Variants in MTA1 observed in about 807,000 individuals in gnomAD.
MTA1 encodes metastasis-associated protein MTA1.
MTA1 carries 15 observed loss-of-function variants against 97.0 expected under a neutral mutation model. The ratio of observed to expected loss-of-function variants is 0.15; its 90% confidence interval spans 0.10 to 0.24. The LOEUF (loss-of-function observed/expected upper bound fraction) is 0.24, where lower values mean the gene tolerates loss of function less well. Among genes scored for constraint, MTA1 ranks in the 10% least tolerant of loss-of-function variants. The pLI is 1.00. For synonymous variants in MTA1, 435 were observed against 417.5 expected (o/e 1.04, Z -0.51); for missense variants, 709 against 1,015.1 (o/e 0.70, Z 4.10).
intron 7 of MTA1, among the ~76,000 whole-genome samples, chr14:105,456,817 G>A (rs1286223366): frequency 1.3e-5 from 2 of 152,194 alleles, no homozygotes; most frequent in Non-Finnish European, 2.9e-5. Context: ...ACACCAGGCT[G>A]AAGACCCCCC....
In MTA1 at chr14:105,466,443, C is replaced by T. The variant is rs587736328; in HGVS notation, c.1642C>T (p.Pro548Ser). The change falls in exon 17 of 21, where the codon CCC (proline) becomes TCC (serine). Residue 548 changes from proline (P) to serine (S), a missense_variant. Pro to Ser is a moderately conservative substitution (Grantham distance 74). This residue lies in a region of MTA1 where 388 missense variants were observed against 421.6 expected (regional missense o/e 0.92). Coordinates refer to ENST00000331320, the MANE Select transcript of MTA1 (RefSeq NM_004689.4). ...CCCGGCAGAGACCCACCCCCGCCCC[C>T]CCAAGCCTGACCCCGTGAAAAGCGT... The part of the protein sequence containing the change: ...LRYLETHPRP[P>S]KPDPVKSVSS... 11 of 1,588,314 alleles carry T rather than the reference C, an allele frequency of 6.9e-6. No homozygotes were observed. The highest frequency in any genetic ancestry group is 3.3e-5 in the South Asian group (3 of 89,742).
chr14:105,462,878 C>CA (rs1258751563), intron 10 of MTA1, among the ~76,000 whole-genome samples: 4 of 146,020 alleles, frequency 2.7e-5, no homozygotes, highest in African/African-American at 7.3e-5. Context: ...CAAAAACAAA[C>CA]AAAAAAAAGG....
At position 105,424,559 on chromosome 14, in the gene MTA1, A is replaced by G. The variant is rs1555421801; in HGVS notation, c.28+4496A>G. Among the ~76,000 whole-genome samples the G allele has an allele frequency of 1.3e-5, 2 of 150,210 alleles. No individual in the cohort carries two copies. Among genetic ancestry groups the G allele is most frequent in the African/African-American group, 4.9e-5 (2 of 40,562 alleles). Reference sequence around the variant, plus strand: ...CACCCAGGCTGGAGTGCAGTGGCACAATCGCGGCTCACTGCAACCTCCGCC... The same window carrying G: ...CACCCAGGCTGGAGTGCAGTGGCACGATCGCGGCTCACTGCAACCTCCGCC... On this transcript the variant is annotated intron_variant, in intron 1 of 20. Coordinates refer to ENST00000331320, the MANE Select transcript of MTA1 (RefSeq NM_004689.4). This position sits in a 1 kb window ranked among gnomAD's most constrained non-coding sequence, Gnocchi z 4.0.
chr14:105,458,454 C>A, intron 8 of MTA1, 82 bp downstream of exon 8: 1 of 1,222,030 alleles, frequency 8.2e-7, no homozygotes, highest in Non-Finnish European at 1.2e-6. Context: ...GTGTTGGGGA[C>A]GTGACAGTCT....
chr14:105,441,629 C>T (rs1189277087), intron 2 of MTA1, among the ~76,000 whole-genome samples: 3 of 152,136 alleles, frequency 2.0e-5, no homozygotes, highest in African/African-American at 2.4e-5. Flanking sequence ...TCCGTCTCTA[C>T]TAAAAATACA....
chr14:105,442,493 G>A (rs2082570160), intron 2 of MTA1, among the ~76,000 whole-genome samples: 1 of 152,248 alleles, frequency 6.6e-6, no homozygotes, highest in Non-Finnish European at 1.5e-5. Flanking sequence ...GAGCACTTTA[G>A]GGAAGAATCT....
At chr14:105,459,046 C>G (rs1379050318) in intron 8 of MTA1, among the ~76,000 whole-genome samples, 26 of 119,624 alleles carry the variant, frequency 2.2e-4, no homozygotes, top group South Asian at 8.7e-4. Context: ...GGTCCCTGGT[C>G]CCTGGGGAGC....
intron 1 of MTA1, among the ~76,000 whole-genome samples, chr14:105,430,832 A>G (rs2082156035): frequency 6.6e-6 from 1 of 152,174 alleles, no homozygotes; most frequent in Non-Finnish European, 1.5e-5. Context: ...ATGACACATG[A>G]AGATTATATG....
rs1365943583 is a variant in MTA1 at position 105,468,125 on chromosome 14, C to T, written c.1814-1342C>T. 63 of 380,366 alleles carry T rather than the reference C, an allele frequency of 1.7e-4. 1 individual carries two copies. Among genetic ancestry groups the T allele is most frequent in the Non-Finnish European group, 1.9e-4 (36 of 191,112 alleles). The allele number at this position is 380,366 out of a possible 1,614,324, so 23.6% of individuals were successfully genotyped here. A position where few individuals can be genotyped will look rare whatever the true frequency, so the allele number is the denominator to read the frequency against. On this transcript the variant is annotated intron_variant, in intron 18 of 20. Transcript: ENST00000331320. ...CGGCTCCCGGGGGCACTGGCGCACA[C>T]GAGGTGGGGTCTCTGTCCAGCCTGG...
rs1290181125 is a variant in MTA1 at position 105,470,394 on chromosome 14, C to T, written c.*179C>T. Reference sequence around the variant, plus strand: ...AGGAAGAAGCGCGGCTAACTTATTCCGAGAATGCCGAGGAGTTGTCGTTTT... The same window carrying T: ...AGGAAGAAGCGCGGCTAACTTATTCTGAGAATGCCGAGGAGTTGTCGTTTT... On this transcript the variant is annotated 3_prime_UTR_variant, in exon 21 of 21. Transcript: ENST00000331320. 1.9e-5 allele frequency: 10 copies of T among 537,682 alleles called. No individual in the cohort carries two copies. Among genetic ancestry groups the T allele is most frequent in the South Asian group, 5.5e-5 (2 of 36,584 alleles). 33.3% of individuals were successfully genotyped at this position (537,682 alleles called of 1,614,324 possible).
chr14:105,432,026 A>T (rs1323961968), intron 1 of MTA1, among the ~76,000 whole-genome samples: 7 of 151,394 alleles, frequency 4.6e-5, no homozygotes, highest in African/African-American at 1.2e-4. Flanking sequence ...TCTGTGAATT[A>T]AAAAAAAACC....
At chr14:105,430,162 C>G (rs782180738) in intron 1 of MTA1, among the ~76,000 whole-genome samples, 1 of 152,170 alleles carries the variant, frequency 6.6e-6, no homozygotes, top group Non-Finnish European at 1.5e-5. Flanking sequence ...TTTCGACAGG[C>G]CTTCCTAACT....
chr14:105,434,785 G>A (rs1595294630), intron 1 of MTA1, among the ~76,000 whole-genome samples: 1 of 152,328 alleles, frequency 6.6e-6, no homozygotes, highest in African/African-American at 2.4e-5. Context: ...ACAGGCGTGA[G>A]CCACCATGCC....
chr14:105,468,328 G>A (rs1018170046), intron 18 of MTA1: 10 of 1,304,226 alleles, frequency 7.7e-6, no homozygotes, highest in South Asian at 1.2e-5. Flanking sequence ...GCTGTCCACC[G>A]CTCTGGTAGG....
At chr14:105,448,242 T>A (rs1187134728) in intron 3 of MTA1, among the ~76,000 whole-genome samples, 1 of 151,862 alleles carries the variant, frequency 6.6e-6, no homozygotes, top group Non-Finnish European at 1.5e-5. Context: ...GTTCAGAGTG[T>A]GAGGGGTGCA....
chr14:105,432,903 A>C (rs2082218892), intron 1 of MTA1, among the ~76,000 whole-genome samples: 1 of 152,146 alleles, frequency 6.6e-6, no homozygotes, highest in Non-Finnish European at 1.5e-5. Context: ...ATGCGAGTGC[A>C]AGGGAAACGT....
intron 3 of MTA1, chr14:105,445,730 C>T (rs2082697047): frequency 1.5e-6 from 1 of 670,264 alleles, no homozygotes; most frequent in Admixed American, 2.1e-5. Context: ...CGCACGCCCC[C>T]CGGAGTGGTC....
intron 3 of MTA1, among the ~76,000 whole-genome samples, chr14:105,446,201 C>T (rs782145873): frequency 9.2e-5 from 14 of 152,164 alleles, no homozygotes; most frequent in Non-Finnish European, 1.6e-4. Flanking sequence ...CAGGGCCTGC[C>T]GAGCTGGGCC....
At chr14:105,444,267 C>T (rs1275205454) in intron 2 of MTA1, among the ~76,000 whole-genome samples, 5 of 151,630 alleles carry the variant, frequency 3.3e-5, no homozygotes, top group African/African-American at 9.7e-5. Context: ...CCCAGCTACT[C>T]GGGAGGCTGA....
Sources: gnomAD v4.1 joint callset for allele counts (sites outside exome capture counted in the v4.1 genomes callset) on GRCh38, gnomAD v4.1.1 for gene constraint, gnomAD v4.1.1 regional missense constraint, Gnocchi (gnomAD v3.1) non-coding constraint, MANE v1.5 for transcripts, NCBI Gene and HGNC (gene_info 2026-07-23, HGNC 2026-07-21) for gene names.